APPL2: variants seen among roughly 807,000 people sequenced by gnomAD.
APPL2 encodes the protein DCC-interacting protein 13-beta.
A neutral mutation model predicts 92.7 loss-of-function variants in APPL2; 84 were observed. The observed-to-expected ratio is 0.91, with a 90% CI of 0.76 to 1.09. APPL2 has a LOEUF of 1.09. Ranked by LOEUF, APPL2 falls within the 50% of genes least tolerant of loss-of-function variation. The pLI is 0.00. For missense variants in APPL2, 736 were observed against 824.5 expected (o/e 0.89, Z 1.31); for synonymous variants, 291 against 291.0 (o/e 1.00, Z 0.00).
At chr12:105,203,842 C>A in intron 8 of APPL2, 57 bp from the exon 9 acceptor site, 1 of 1,508,826 alleles carries the variant, frequency 6.6e-7, no homozygotes, top group Non-Finnish European at 9.2e-7. Flanking sequence ...TCAGTGAACT[C>A]ACTGAAGGTG....
At chr12:105,197,628 C>G in intron 11 of APPL2, 137 bp downstream of exon 11, 1 of 1,058,272 alleles carries the variant, frequency 9.4e-7, no homozygotes, top group Non-Finnish European at 1.4e-6. Context: ...AGAAAATCAT[C>G]CTCCTGAAAG....
intron 17 of APPL2, among the ~76,000 whole-genome samples, chr12:105,188,047 G>A (rs189588884): frequency 3.9e-5 from 6 of 151,960 alleles, no homozygotes; most frequent in Non-Finnish European, 8.8e-5. Flanking sequence ...TAGTGTGATG[G>A]CATCTTTGTG....
chr12:105,210,266 T>C (rs1179835057), intron 5 of APPL2, among the ~76,000 whole-genome samples: 5 of 152,108 alleles, frequency 3.3e-5, no homozygotes, highest in African/African-American at 9.7e-5. Context: ...GGCCAATCTT[T>C]ACCTTTAAGA....
chr12:105,190,800 G>A (rs973196647), intron 14 of APPL2, among the ~76,000 whole-genome samples: 2 of 152,076 alleles, frequency 1.3e-5, no homozygotes, highest in African/African-American at 4.8e-5. Context: ...CCTGAGCTTC[G>A]CATTGTGCCC....
intron 1 of APPL2, among the ~76,000 whole-genome samples, chr12:105,231,192 T>C (rs1426507712): frequency 1.3e-5 from 2 of 152,344 alleles, no homozygotes; most frequent in East Asian, 3.8e-4. Flanking sequence ...TATAACTGGA[T>C]TGTGGCTAGT....
intron 2 of APPL2, among the ~76,000 whole-genome samples, chr12:105,221,935 C>T (rs900494682): frequency 3.9e-5 from 6 of 152,212 alleles, no homozygotes; most frequent in African/African-American, 4.8e-5. Flanking sequence ...GGCCTCTGTG[C>T]GCAGCAGCAT....
chr12:105,225,353 A>C (rs1350742469), intron 2 of APPL2, among the ~76,000 whole-genome samples: 1 of 152,178 alleles, frequency 6.6e-6, no homozygotes, highest in Non-Finnish European at 1.5e-5. Flanking sequence ...ACAACAGCTG[A>C]GAGGAGAAGC....
In APPL2 at chr12:105,220,022, A is replaced by G. The variant is rs529072537; in HGVS notation, c.154-2297T>C. Among the ~76,000 whole-genome samples, 18 of 152,338 alleles carry G rather than the reference A, an allele frequency of 1.2e-4. No individual in the cohort carries two copies. The South Asian group carries it at 3.7e-3, about 32-fold the overall frequency. On this transcript the variant is annotated intron_variant, in intron 2 of 20. Transcript: ENST00000258530. ...TCATCTAATTCCAATGACCCTGTAA[A>G]AGCAGGTTCTAATTAATAACTCTAT...
At chr12:105,204,539 G>C (rs1888537788) in intron 8 of APPL2, among the ~76,000 whole-genome samples, 2 of 152,186 alleles carry the variant, frequency 1.3e-5, no homozygotes, top group African/African-American at 4.8e-5. Context: ...GATACATGCA[G>C]GGGACTGTTC....
At chr12:105,181,785 T>A (rs766519355) in intron 17 of APPL2, among the ~76,000 whole-genome samples, 1 of 152,220 alleles carries the variant, frequency 6.6e-6, no homozygotes, top group Non-Finnish European at 1.5e-5. Flanking sequence ...GTAGTTTGTA[T>A]TTCTCTGGGA....
At chr12:105,212,337 C>T (rs891700149) in intron 4 of APPL2, among the ~76,000 whole-genome samples, 3 of 152,028 alleles carry the variant, frequency 2.0e-5, no homozygotes, top group Non-Finnish European at 2.9e-5. Context: ...AAAAATTATC[C>T]CTATCAGTGC....
At chr12:105,208,244 A>C (rs768482030) in intron 5 of APPL2, 45 bp from the exon 6 acceptor site, 64 of 1,606,710 alleles carry the variant, frequency 4.0e-5, no homozygotes, top group Non-Finnish European at 5.3e-5. Context: ...GAAAAATAAA[A>C]CATGCCAACC....
At chr12:105,191,193 G>C (rs972947164) in intron 14 of APPL2, among the ~76,000 whole-genome samples, 2 of 152,152 alleles carry the variant, frequency 1.3e-5, no homozygotes, top group Non-Finnish European at 2.9e-5. Context: ...GATGGTCACT[G>C]CAAGGCAAGC....
intron 7 of APPL2, 51 bp downstream of exon 7, chr12:105,207,920 G>A: frequency 6.6e-7 from 1 of 1,524,624 alleles, no homozygotes; most frequent in Non-Finnish European, 9.1e-7. Flanking sequence ...AGGAAGGCAT[G>A]AAAGGCCTTT....
intron 17 of APPL2, among the ~76,000 whole-genome samples, chr12:105,185,671 A>C (rs1256167558): frequency 1.3e-5 from 2 of 152,078 alleles, no homozygotes; most frequent in Admixed American, 6.5e-5. Context: ...TGGGAGCTGC[A>C]GACTGGAGCT....
intron 14 of APPL2, among the ~76,000 whole-genome samples, chr12:105,193,586 A>G (rs893539931): frequency 2.6e-5 from 4 of 152,334 alleles, no homozygotes; most frequent in Admixed American, 2.6e-4. Flanking sequence ...CGCTGACTGG[A>G]TCTTTAGTTC....
chr12:105,195,831 G>T (rs928312981), intron 11 of APPL2, among the ~76,000 whole-genome samples: 1 of 152,184 alleles, frequency 6.6e-6, no homozygotes, highest in Non-Finnish European at 1.5e-5. Context: ...GAGGCAGGAG[G>T]ATGGCTTGAG....
At chr12:105,214,577 T>C (rs1249731975) in intron 4 of APPL2, among the ~76,000 whole-genome samples, 1 of 152,262 alleles carries the variant, frequency 6.6e-6, no homozygotes, top group Non-Finnish European at 1.5e-5. Flanking sequence ...GTATTTGGTC[T>C]TTGCCCCCAG....
intron 17 of APPL2, among the ~76,000 whole-genome samples, chr12:105,186,716 C>G (rs1450481824): frequency 3.7e-5 from 4 of 108,528 alleles, no homozygotes; most frequent in South Asian, 5.3e-4. Flanking sequence ...TATATCATAT[C>G]ATATATATAT....
Sources: allele counts gnomAD v4.1 joint callset (sites outside exome capture counted in the v4.1 genomes callset), GRCh38; gene constraint gnomAD v4.1.1; transcripts MANE v1.5; gene names NCBI Gene and HGNC (gene_info 2026-07-23, HGNC 2026-07-21).